SH3BGRL2: variants seen among roughly 807,000 people sequenced by gnomAD.
SH3BGRL2 encodes SH3 domain-binding glutamic acid-rich-like protein 2.
SH3BGRL2 carries 21 observed loss-of-function variants against 14.8 expected under a neutral mutation model. The ratio of observed to expected loss-of-function variants is 1.42; its 90% confidence interval spans 1.01 to 2.05. The LOEUF is 2.05. Among genes scored for constraint, SH3BGRL2 ranks in the 30% most tolerant of loss-of-function variants. The pLI is 0.00. For synonymous variants in SH3BGRL2, 50 were observed against 47.8 expected (o/e 1.05, Z -0.19); for missense variants, 147 against 130.8 (o/e 1.12, Z -0.61).
chr6:79,574,066 G>A, the SH3BGRL2 span: 3 of 152,224 alleles, frequency 2.0e-5, no homozygotes, highest in African/African-American at 2.4e-5. Flanking sequence ...CTAGAACACC[G>A]CTAACAAAAA....
At chr6:79,537,797 C>G in the SH3BGRL2 span, among the ~76,000 whole-genome samples, 1 of 152,176 alleles carries the variant, frequency 6.6e-6, no homozygotes, top group Non-Finnish European at 1.5e-5. Flanking sequence ...TGGGAAATAA[C>G]TTGCTTTTAA....
chr6:79,695,203 A>G (rs1236065436), intron 2 of SH3BGRL2, among the ~76,000 whole-genome samples: 1 of 152,156 alleles, frequency 6.6e-6, no homozygotes, highest in Non-Finnish European at 1.5e-5. Context: ...GACTTGGCCA[A>G]ATCGCTCTTT....
chr6:79,553,376 C>G, the SH3BGRL2 span, among the ~76,000 whole-genome samples: 1 of 152,192 alleles, frequency 6.6e-6, no homozygotes, highest in Non-Finnish European at 1.5e-5. Context: ...AAGATACACA[C>G]ATGTTCAGAT....
At chr6:79,595,459 A>G in the SH3BGRL2 span, among the ~76,000 whole-genome samples, 1 of 152,252 alleles carries the variant, frequency 6.6e-6, no homozygotes, top group African/African-American at 2.4e-5. Context: ...CCAGTAGAAA[A>G]TGGGCAAATG....
chr6:79,563,460 C>T, the SH3BGRL2 span, among the ~76,000 whole-genome samples: 1 of 152,118 alleles, frequency 6.6e-6, no homozygotes, highest in Non-Finnish European at 1.5e-5. Flanking sequence ...AGCCACCTCC[C>T]TCACTGACTC....
intron 1 of SH3BGRL2, among the ~76,000 whole-genome samples, chr6:79,643,141 T>G (rs957596365): frequency 1.3e-5 from 2 of 152,230 alleles, no homozygotes; most frequent in Admixed American, 1.3e-4. Context: ...CTACAAACTA[T>G]GATTTCTTAT....
At chr6:79,646,066 G>A (rs531883758) in intron 1 of SH3BGRL2, among the ~76,000 whole-genome samples, 13 of 152,244 alleles carry the variant, frequency 8.5e-5, no homozygotes, top group African/African-American at 1.9e-4. Flanking sequence ...CTTATATATC[G>A]TAGATATAAA....
chr6:79,627,495 C>T (rs59446500), upstream of SH3BGRL2, among the ~76,000 whole-genome samples: 2,488 of 152,116 alleles, frequency 0.016, 63 homozygotes, highest in African/African-American at 0.057. Context: ...TTGTTGATAC[C>T]CATTTTATAG....
At chr6:79,553,815 T>C in the SH3BGRL2 span, among the ~76,000 whole-genome samples, 305 of 151,918 alleles carry the variant, frequency 2.0e-3, no homozygotes, top group African/African-American at 6.8e-3. Context: ...CTACAAAAAA[T>C]ACAAAAAATT....
chr6:79,611,571 C>G, the SH3BGRL2 span, among the ~76,000 whole-genome samples: 1 of 152,098 alleles, frequency 6.6e-6, no homozygotes, highest in Non-Finnish European at 1.5e-5. Flanking sequence ...CCACCATGCC[C>G]AGCTAATTTC....
chr6:79,560,307 C>T, the SH3BGRL2 span, among the ~76,000 whole-genome samples: 2 of 152,138 alleles, frequency 1.3e-5, no homozygotes, highest in South Asian at 4.1e-4. Flanking sequence ...GATTATTAAC[C>T]TACCAACAGT....
chr6:79,684,287 C>A (rs1770050249), intron 2 of SH3BGRL2, among the ~76,000 whole-genome samples: 1 of 152,142 alleles, frequency 6.6e-6, no homozygotes, highest in Admixed American at 6.5e-5. Context: ...TGTTATTACA[C>A]TTTCTGTAAT....
chr6:79,603,351 C>T, the SH3BGRL2 span, among the ~76,000 whole-genome samples: 2 of 152,102 alleles, frequency 1.3e-5, no homozygotes, highest in Non-Finnish European at 1.5e-5. Context: ...CCTCAAGAGG[C>T]TATTGTTTTT....
chr6:79,671,752 C>G lies in SH3BGRL2; in HGVS notation c.46-1862C>G, dbSNP rs373979143. Among the ~76,000 whole-genome samples the G allele has an allele frequency of 1.5e-4, 23 of 151,850 alleles. No homozygotes were observed. In the East Asian group the frequency reaches 3.5e-3, roughly 23 times the overall value. On this transcript the variant is annotated intron_variant, in intron 1 of 3. Coordinates refer to ENST00000369838, the MANE Select transcript of SH3BGRL2 (RefSeq NM_031469.4). ...CCCCGCCCAGTAGGCTGATGTGTTTCTCTAAGTTCCTGCTTCCTGAACTGC... is the reference window on the plus strand; with the variant it reads ...CCCCGCCCAGTAGGCTGATGTGTTTGTCTAAGTTCCTGCTTCCTGAACTGC...
intron 1 of SH3BGRL2, among the ~76,000 whole-genome samples, chr6:79,640,347 C>T (rs1769006752): frequency 6.6e-6 from 1 of 152,144 alleles, no homozygotes; most frequent in Non-Finnish European, 1.5e-5. Flanking sequence ...GGTTTATTTT[C>T]TAACTCTAAA....
the SH3BGRL2 span, among the ~76,000 whole-genome samples, chr6:79,606,265 A>G: frequency 6.6e-6 from 1 of 152,158 alleles, no homozygotes; most frequent in Admixed American, 6.5e-5. Context: ...CAATACTTAC[A>G]TGAGATTTTT....
the SH3BGRL2 span, among the ~76,000 whole-genome samples, chr6:79,560,678 TATTTC>T: frequency 6.6e-6 from 1 of 152,132 alleles, no homozygotes; most frequent in Non-Finnish European, 1.5e-5. Flanking sequence ...ATGTTTAAAA[TATTTC>T]AGTTCACATG....
the SH3BGRL2 span, among the ~76,000 whole-genome samples, chr6:79,613,445 G>A: frequency 6.6e-6 from 1 of 152,126 alleles, no homozygotes; most frequent in South Asian, 2.1e-4. Flanking sequence ...TAGTTTCTGG[G>A]TACATTTTAG....
intron 1 of SH3BGRL2, 60 bp downstream of exon 1, chr6:79,631,566 C>G: frequency 7.7e-7 from 1 of 1,301,520 alleles, no homozygotes; most frequent in African/African-American, 1.5e-5. Flanking sequence ...CTGCGGGAGG[C>G]GCGCGGCGCT....
Sources: allele counts gnomAD v4.1 joint callset (sites outside exome capture counted in the v4.1 genomes callset), GRCh38; gene constraint gnomAD v4.1.1; transcripts MANE v1.5; gene names NCBI Gene and HGNC (gene_info 2026-07-23, HGNC 2026-07-21).